ITSN1: variants seen among roughly 807,000 people sequenced by gnomAD.
ITSN1 encodes intersectin 1.
A neutral mutation model predicts 239.8 loss-of-function variants in ITSN1; 58 were observed. That is an observed-to-expected ratio of 0.24 (90% CI 0.20 to 0.30). ITSN1 has a LOEUF of 0.30. Among genes scored for constraint, ITSN1 ranks in the 10% least tolerant of loss-of-function variants. ITSN1 has a pLI of 1.00. For missense variants in ITSN1, 1,558 were observed against 2,103.3 expected (o/e 0.74, Z 5.07); for synonymous variants, 780 against 770.8 (o/e 1.01, Z -0.20).
intron 34 of ITSN1, among the ~76,000 whole-genome samples, chr21:33,881,945 CAAAAAAAAAAAAA>C (rs370697945): frequency 2.3e-5 from 2 of 88,422 alleles, no homozygotes; most frequent in Non-Finnish European, 4.5e-5. Context: ...GACCCTGTCT[CAAAAAAAAAAAAA>C]AAAAAGAAAA....
intron 33 of ITSN1, among the ~76,000 whole-genome samples, chr21:33,868,752 G>C (rs755227483): frequency 2.0e-5 from 3 of 152,210 alleles, no homozygotes; most frequent in Non-Finnish European, 4.4e-5. Flanking sequence ...GGCCAGCCCA[G>C]AAGGGGGCTC....
chr21:33,753,746 G>A lies in ITSN1; in HGVS notation c.624-1551G>A, dbSNP rs573490233. Among the ~76,000 whole-genome samples the A allele has an allele frequency of 2.0e-3, 261 of 129,776 alleles. 2 individuals are homozygous for A. The highest frequency in any genetic ancestry group is 3.4e-3 in the Non-Finnish European group (220 of 65,252). 85.1% of individuals were successfully genotyped at this position (129,776 alleles called of 152,430 possible). On this transcript the variant is annotated intron_variant, in intron 7 of 39. Transcript: ENST00000381318. ...CATTGCATTCCAGCCTGGGTGACAC[G>A]GCAAGTCTCTTTCTTAAAAAAAAAA...
At chr21:33,737,169 C>T (rs922913617) in intron 5 of ITSN1, among the ~76,000 whole-genome samples, 8 of 152,198 alleles carry the variant, frequency 5.3e-5, no homozygotes, top group African/African-American at 1.9e-4. Context: ...TTATTCCATT[C>T]TGCCATCAGA....
At chr21:33,857,716 G>A (rs1979625955) in intron 30 of ITSN1, among the ~76,000 whole-genome samples, 1 of 152,268 alleles carries the variant, frequency 6.6e-6, no homozygotes, top group African/African-American at 2.4e-5. Context: ...AACTCAAAAA[G>A]GTGCCCCTTT....
chr21:33,748,374 A>G (rs758274477), intron 5 of ITSN1, among the ~76,000 whole-genome samples: 25 of 152,164 alleles, frequency 1.6e-4, no homozygotes, highest in Non-Finnish European at 3.5e-4. Flanking sequence ...CCCTGAGCCC[A>G]GGAGTTCAAG....
chr21:33,876,133 CTT>C (rs1983767586), intron 34 of ITSN1, among the ~76,000 whole-genome samples: 7 of 15,832 alleles, frequency 4.4e-4, no homozygotes, highest in Admixed American at 2.1e-3. Context: ...TTCTTTCTTT[CTT>C]TCTTTCTTTC....
intron 9 of ITSN1, 130 bp downstream of exon 9, chr21:33,762,116 G>T (rs1332549484): frequency 1.4e-6 from 1 of 708,986 alleles, no homozygotes; most frequent in Non-Finnish European, 2.5e-6. Flanking sequence ...TCAGTGAGTT[G>T]TAATGATTGC....
chr21:33,795,469 G>A (rs1233018531), intron 17 of ITSN1, among the ~76,000 whole-genome samples: 1 of 152,142 alleles, frequency 6.6e-6, no homozygotes. Context: ...TTAAAAAGGC[G>A]AAGAAACGGA....
At chr21:33,769,762 C>T (rs933358590) in intron 11 of ITSN1, among the ~76,000 whole-genome samples, 8 of 151,070 alleles carry the variant, frequency 5.3e-5, no homozygotes, top group Non-Finnish European at 2.9e-5. Context: ...ATGGCGTAAT[C>T]TCGGCTCACT....
intron 16 of ITSN1, among the ~76,000 whole-genome samples, chr21:33,782,463 T>C (rs2070275218): frequency 6.6e-6 from 1 of 152,224 alleles, no homozygotes; most frequent in South Asian, 2.1e-4. Flanking sequence ...GATTGTTTTC[T>C]TTTTTAAAAC....
Position 33,699,006 on chromosome 21 carries a change from C to T in ITSN1, c.-32-19791C>T, listed in dbSNP as rs560302487. 7.2e-5 allele frequency among the ~76,000 whole-genome samples: 11 copies of T among 152,188 alleles called. No homozygotes were observed. The South Asian group carries it at 1.9e-3, about 26-fold the overall frequency. On this transcript the variant is annotated intron_variant, in intron 1 of 39. Transcript: ENST00000381318. ...TGGAGGCAGTATTTGTTTGGGGTAT[C>T]TTTTAATTGTTTTTCTAGATCAAGG...
In ITSN1 at chr21:33,862,661, G is replaced by A. The variant is rs892712356; in HGVS notation, c.3891-2490G>A. Among the ~76,000 whole-genome samples the A allele has an allele frequency of 1.6e-4, 25 of 152,284 alleles. No individual in the cohort carries two copies. The East Asian group carries it at 2.1e-3, about 13-fold the overall frequency. On this transcript the variant is annotated intron_variant, in intron 31 of 39. Transcript: ENST00000381318. ...TGCCCAGAGCAGCTTGGAGGCAGTC[G>A]TGGCGGGAGGTGGGTTGGGGCCTCT...
intron 1 of ITSN1, among the ~76,000 whole-genome samples, chr21:33,685,275 A>C (rs774492872): frequency 1.3e-5 from 2 of 152,230 alleles, no homozygotes; most frequent in Non-Finnish European, 2.9e-5. Context: ...TCAGGGAATC[A>C]GAGACTTTCT....
intron 5 of ITSN1, 26 bp from the exon 6 acceptor site, chr21:33,750,117 G>A: frequency 6.2e-7 from 1 of 1,608,408 alleles, no homozygotes; most frequent in African/African-American, 1.3e-5. Flanking sequence ...GGATGTGAAT[G>A]GTGTTGAGCT....
intron 6 of ITSN1, among the ~76,000 whole-genome samples, chr21:33,751,319 G>T: frequency 6.6e-6 from 1 of 152,188 alleles, no homozygotes. Context: ...CTAAGACGCA[G>T]TGTTTTTTTT....
chr21:33,836,708 G>C, intron 29 of ITSN1, 76 bp downstream of exon 29: 1 of 1,228,424 alleles, frequency 8.1e-7, no homozygotes, highest in Non-Finnish European at 1.2e-6. Context: ...CTCTGATTCT[G>C]CTGAGCTTTG....
rs544369204 is a variant in ITSN1, at chr21:33,751,055, A to AT, written c.526+736dup. Among the ~76,000 whole-genome samples, 23 of 152,254 alleles carry AT rather than the reference A, an allele frequency of 1.5e-4. No individual in the cohort carries two copies. The East Asian group carries it at 4.4e-3, about 29-fold the overall frequency. On this transcript the variant is annotated intron_variant, in intron 6 of 39. Transcript: ENST00000381318. Reference sequence around the variant, plus strand: ...CTTTGGCCCCCTGAATTTGTTGTATATTTATCAGGATATATATTTAAGTTA... The same window carrying AT: ...CTTTGGCCCCCTGAATTTGTTGTATATTTTATCAGGATATATATTTAAGTTA...
chr21:33,792,305 C>T (rs7278632), intron 16 of ITSN1, among the ~76,000 whole-genome samples: 4,136 of 152,188 alleles, frequency 0.027, 130 homozygotes, highest in African/African-American at 0.079. Flanking sequence ...CCTGGGTTCT[C>T]GCCATTCTCC....
At chr21:33,708,836 G>T (rs1421911435) in intron 1 of ITSN1, among the ~76,000 whole-genome samples, 1 of 152,134 alleles carries the variant, frequency 6.6e-6, no homozygotes, top group East Asian at 1.9e-4. Context: ...ATTAATTTTT[G>T]TGTATTATGT....
Sources: gnomAD v4.1 joint callset for allele counts (sites outside exome capture counted in the v4.1 genomes callset) on GRCh38, gnomAD v4.1.1 for gene constraint, MANE v1.5 for transcripts, NCBI Gene and HGNC (gene_info 2026-07-23, HGNC 2026-07-21) for gene names.